The following DHTKD1 variants were observed in gnomAD, a reference collection of about 807,000 sequenced individuals.
DHTKD1 encodes the protein dehydrogenase E1 and transketolase domain containing 1.
A neutral mutation model predicts 101.8 loss-of-function variants in DHTKD1; 78 were observed. The ratio of observed to expected loss-of-function variants is 0.77; its 90% CI spans 0.64 to 0.93. DHTKD1 has a LOEUF of 0.93. Ranked by LOEUF, DHTKD1 falls within the 40% of genes least tolerant of loss-of-function variation. DHTKD1 has a pLI of 0.00. For synonymous variants in DHTKD1, 462 were observed against 450.3 expected (o/e 1.03, Z -0.33); for missense variants, 1,223 against 1,161.7 (o/e 1.05, Z -0.77).
chr10:12,105,451 G>T (rs546803014), intron 10 of DHTKD1, among the ~76,000 whole-genome samples: 4 of 152,122 alleles, frequency 2.6e-5, no homozygotes, highest in African/African-American at 9.6e-5. Flanking sequence ...AAGTAGTTGG[G>T]ACTACAGGCA....
chr10:12,097,572 C>G (rs372921699), intron 7 of DHTKD1, 112 bp from the exon 8 acceptor site: 1 of 934,456 alleles, frequency 1.1e-6, no homozygotes, highest in Non-Finnish European at 1.6e-6. Flanking sequence ...CTGCACCTGT[C>G]GAATGCCTTT....
At position 12,094,243 on chromosome 10, in the gene DHTKD1, A is replaced by G. The variant is rs186293372; in HGVS notation, c.1330A>G (p.Thr444Ala). 4 of 1,614,212 alleles carry G rather than the reference A, an allele frequency of 2.5e-6. No homozygotes were observed. The East Asian group carries it at 8.9e-5, about 36-fold the overall frequency. The change falls in exon 7 of 17, where the codon ACC (threonine) becomes GCC (alanine). Residue 444 changes from threonine to alanine, a missense_variant. Thr to Ala is a moderately conservative substitution (Grantham distance 58). Coordinates refer to ENST00000263035, the MANE Select transcript of DHTKD1 (RefSeq NM_018706.7). ...CAATGAGCTGGATGAGCCATTCTAC[A>G]CCAACCCCATCATGTACAAAATCAT... ...GHNELDEPFY[T>A]NPIMYKIIRA...
chr10:12,087,763 A>G lies in DHTKD1; in HGVS notation c.717+34A>G. 1.3e-6 allele frequency: 2 copies of G among 1,499,416 alleles called. No homozygotes were observed. The highest frequency in any genetic ancestry group is 1.8e-6 in the Non-Finnish European group (2 of 1,114,790). 92.9% of individuals were successfully genotyped at this position (1,499,416 alleles called of 1,614,324 possible). The stretch of plus-strand genomic sequence containing the variant: ...ACTCGCTGTGTTTCTCAGTAGCACT[A>G]TATGATTGATTGTAACAGAATAAAA... On this transcript the variant is annotated intron_variant, in intron 4 of 16. Coordinates refer to ENST00000263035, the MANE Select transcript of DHTKD1 (RefSeq NM_018706.7). The surrounding 1 kb of genome is among the most constrained non-coding windows in gnomAD (Gnocchi z 5.2).
rs1296085479 is a variant in DHTKD1, at chr10:12,120,893, G to C, written c.*5G>C. ...CTCGCCAAGACCTTCGCTTGATGAT[G>C]ACTTTTGAAGAAACACTATTTCTCT... On this transcript the variant is annotated 3_prime_UTR_variant, in exon 17 of 17. Coordinates refer to ENST00000263035, the MANE Select transcript of DHTKD1 (RefSeq NM_018706.7). The C allele has an allele frequency of 6.2e-7, 1 of 1,612,620 alleles. No homozygotes were observed. The highest frequency in any genetic ancestry group is 1.3e-5 in the African/African-American group (1 of 75,026).
At chr10:12,084,999 C>CGA (rs746158026) in intron 3 of DHTKD1, among the ~76,000 whole-genome samples, 34 of 151,634 alleles carry the variant, frequency 2.2e-4, no homozygotes, top group Non-Finnish European at 4.3e-4. Flanking sequence ...TGCAGTGAGC[C>CGA]GAGATTGCGC....
In DHTKD1 at chr10:12,087,839, C is replaced by A. The variant is rs140239360; in HGVS notation, c.717+110C>A. ...TGATGGTGATGGTGATGGCCGGGCA[C>A]TGTGGCTCACACCTGCAATCCCAGC... is the stretch of plus-strand genomic sequence containing the variant. On this transcript the variant is annotated intron_variant, in intron 4 of 16. Coordinates refer to ENST00000263035, the MANE Select transcript of DHTKD1 (RefSeq NM_018706.7). The surrounding 1 kb of genome is among the most constrained non-coding windows in gnomAD (Gnocchi z 5.2). 1.0e-4 allele frequency: 100 copies of A among 991,060 alleles called. 1 individual carries two copies. The African/African-American group carries it at 1.5e-3, about 15-fold the overall frequency. The allele number at this position is 991,060 out of a possible 1,614,324, so 61.4% of individuals were successfully genotyped here. A position where few individuals can be genotyped will look rare whatever the true frequency, so the allele number is the denominator to read the frequency against.
Position 12,117,400 on chromosome 10 carries a change from G to A in DHTKD1, c.2320-273G>A, listed in dbSNP as rs372764544. Among the ~76,000 whole-genome samples, 11 of 150,456 alleles carry A rather than the reference G, an allele frequency of 7.3e-5. No individual in the cohort carries two copies. In the East Asian group the frequency reaches 1.8e-3, roughly 24 times the overall value. On this transcript the variant is annotated intron_variant, in intron 13 of 16. Coordinates refer to ENST00000263035, the MANE Select transcript of DHTKD1 (RefSeq NM_018706.7). ...GGGAGTCTCGCTATGTTGCCCAGGC[G>A]GGTCTTGAACTGGCCTCCAGCGATC...
At chr10:12,076,638 G>C (rs1431711817) in intron 1 of DHTKD1, among the ~76,000 whole-genome samples, 1 of 152,052 alleles carries the variant, frequency 6.6e-6, no homozygotes, top group East Asian at 1.9e-4. Context: ...TATGAGTCCA[G>C]CCTGGGTAAT....
intron 14 of DHTKD1, 35 bp downstream of exon 14, chr10:12,117,790 C>A (rs372895137): frequency 1.6e-6 from 2 of 1,249,730 alleles, no homozygotes; most frequent in African/African-American, 1.5e-5. Context: ...TATTCTGTGG[C>A]AGAATTTTAA....
chr10:12,114,034 CTTT>C (rs59823196), intron 13 of DHTKD1, among the ~76,000 whole-genome samples: 1 of 129,970 alleles, frequency 7.7e-6, no homozygotes. Context: ...ATTTGTCATT[CTTT>C]TTTTTTTTTT....
chr10:12,094,400 C>A, intron 7 of DHTKD1, 129 bp downstream of exon 7: 1 of 784,180 alleles, frequency 1.3e-6, no homozygotes, highest in Non-Finnish European at 2.1e-6. Flanking sequence ...TCACTGCCAT[C>A]TCCACCTCCC....
intron 12 of DHTKD1, among the ~76,000 whole-genome samples, chr10:12,109,169 A>T (rs7897331): frequency 0.96 from 146,532 of 152,002 alleles, 70,872 homozygotes; most frequent in Middle Eastern, 1. Flanking sequence ...AAATAAATAA[A>T]TAATAAATAG....
intron 13 of DHTKD1, among the ~76,000 whole-genome samples, chr10:12,117,134 C>T (rs1230791352): frequency 6.6e-6 from 1 of 151,960 alleles, no homozygotes; most frequent in Non-Finnish European, 1.5e-5. Context: ...TCCTGAGTAG[C>T]TGGGATTACA....
rs1170534156 is a variant in DHTKD1 at position 12,123,211 on chromosome 10, C to T, written c.*2323C>T. The T allele has an allele frequency of 1.3e-5, 2 of 152,050 alleles. No individual in the cohort carries two copies. Among genetic ancestry groups the T allele is most frequent in the Admixed American group, 1.3e-4 (2 of 15,258 alleles). 9.4% of individuals were successfully genotyped at this position (152,050 alleles called of 1,614,324 possible). On this transcript the variant is annotated 3_prime_UTR_variant, in exon 17 of 17. Transcript: ENST00000263035. ...AAGAAAAAAAATAAAAGCACATTGT[C>T]ATTTTTTTTCCTCAGGACTCCTGGA... is the stretch of plus-strand genomic sequence containing the variant.
At chr10:12,083,203 G>T (rs1488513932) in intron 2 of DHTKD1, among the ~76,000 whole-genome samples, 3 of 151,860 alleles carry the variant, frequency 2.0e-5, no homozygotes, top group Non-Finnish European at 4.4e-5. Context: ...CAATCTTTTG[G>T]CTTCCCTGGG....
chr10:12,090,356 C>T (rs948528204), intron 5 of DHTKD1, among the ~76,000 whole-genome samples: 3 of 137,372 alleles, frequency 2.2e-5, no homozygotes, highest in East Asian at 2.1e-4. Context: ...ATGATATGGC[C>T]GGCCCTCCCT....
Position 12,081,610 on chromosome 10 carries a change from G to C in DHTKD1, c.293G>C (p.Gly98Ala). 6.2e-7 allele frequency: 1 copy of C among 1,614,120 alleles called. No individual in the cohort carries two copies. Among genetic ancestry groups the C allele is most frequent in the Non-Finnish European group, 8.5e-7 (1 of 1,180,028 alleles). The change falls in exon 2 of 17, where the codon GGA (glycine) becomes GCA (alanine). Residue 98 changes from glycine to alanine, a missense_variant. Physicochemically the swap from Gly to Ala is moderately conservative, Grantham distance 60. Transcript: ENST00000263035. ...EIQALVQTLQ[G>A]PFHTAGLLNM... ...CAAGCCCTGGTGCAGACACTGCAGG[G>C]ACCCTTCCACACGGCAGGTATGGCT...
Position 12,103,805 on chromosome 10 carries a change from C to T in DHTKD1, c.1897-2441C>T, listed in dbSNP as rs556241657. Among the ~76,000 whole-genome samples the T allele has an allele frequency of 6.4e-4, 98 of 152,212 alleles. 1 individual carries two copies. Among genetic ancestry groups the T allele is most frequent in the Admixed American group, 7.2e-4 (11 of 15,276 alleles). On this transcript the variant is annotated intron_variant, in intron 10 of 16. Transcript: ENST00000263035. This position sits in a 1 kb window ranked among gnomAD's most constrained non-coding sequence, Gnocchi z 4.8. ...TGCTGGGATTATAGATGTGAGCTGC[C>T]GTGCCCAGCCTAGAGGGTTTTTATT... is the stretch of plus-strand genomic sequence containing the variant.
At chr10:12,115,634 G>A (rs1012585183) in intron 13 of DHTKD1, among the ~76,000 whole-genome samples, 6 of 152,098 alleles carry the variant, frequency 3.9e-5, no homozygotes, top group African/African-American at 1.4e-4. Flanking sequence ...GTGGTCTACC[G>A]GTTCTTTCTC....
Sources: gnomAD v4.1 joint callset for allele counts (sites outside exome capture counted in the v4.1 genomes callset) on GRCh38, gnomAD v4.1.1 for gene constraint, Gnocchi (gnomAD v3.1) non-coding constraint, MANE v1.5 for transcripts, NCBI Gene and HGNC (gene_info 2026-07-23, HGNC 2026-07-21) for gene names.